Variants in HIPK1 observed in about 807,000 individuals in gnomAD.
HIPK1 encodes the protein homeodomain interacting protein kinase 1, also known as homeodomain-interacting protein kinase 1.
Under a neutral mutation model 117.1 loss-of-function variants are expected in HIPK1, and 28 were observed. That is an observed-to-expected ratio of 0.24 (90% CI 0.18 to 0.33). HIPK1 has a LOEUF of 0.33. HIPK1 is among the 10% of genes least tolerant of loss of function. The probability of loss-of-function intolerance (pLI) is 1.00; values close to 1 mark genes in which losing one functional copy is unlikely to be tolerated. For synonymous variants in HIPK1, 605 were observed against 562.5 expected (o/e 1.08, Z -1.07); for missense variants, 1,122 against 1,475.1 (o/e 0.76, Z 3.92).
At chr1:113,967,205 T>C (rs1571724333) in intron 11 of HIPK1, among the ~76,000 whole-genome samples, 1 of 152,200 alleles carries the variant, frequency 6.6e-6, no homozygotes, top group East Asian at 1.9e-4. Context: ...GGTATCTCTT[T>C]GATATACTGA....
Position 113,940,400 on chromosome 1 carries a change from A to G in HIPK1, c.17A>G (p.Gln6Arg), listed in dbSNP as rs35324789. MASQLQVFSPPSVSSS... is the reference protein window; with the variant it reads MASQLRVFSPPSVSSS... ...AATATAGGTATGGCATCACAGCTGC[A>G]AGTGTTTTCGCCCCCATCAGTGTCG... The change falls in exon 2 of 16, where the codon CAA becomes CGA. Residue 6 changes from glutamine (Q) to arginine (R), a missense_variant. By Grantham distance (43) the Gln-to-Arg change is conservative (BLOSUM62 1). This residue lies in a region of HIPK1 where 192 missense variants were observed against 234.0 expected (regional missense o/e 0.82). Transcript: ENST00000426820. The G allele has an allele frequency of 1.9e-6, 3 of 1,606,284 alleles. No individual in the cohort carries two copies. Among genetic ancestry groups the G allele is most frequent in the Admixed American group, 3.4e-5 (2 of 58,836 alleles).
At chr1:113,943,585 A>G (rs1670791109) in intron 2 of HIPK1, among the ~76,000 whole-genome samples, 1 of 152,170 alleles carries the variant, frequency 6.6e-6, no homozygotes, top group Non-Finnish European at 1.5e-5. Context: ...TAATGCTGCT[A>G]TGAACATTGG....
At position 113,969,971 on chromosome 1, in the gene HIPK1, A is replaced by G. The variant is rs767846718; in HGVS notation, c.2787A>G (p.Pro929=). Residue 929 remains proline (P), a synonymous_variant, in exon 14 of 16, where the codon CCA becomes CCG. Transcript: ENST00000426820. The part of the protein sequence containing the change: ...KYKPSSSGLK[P]RSNVISYVTV... ...TTTTCCTCAGCTCTGGACTGAAGCC[A>G]AGGTCTAATGTCATCAGTTATGTCA... The G allele has an allele frequency of 1.2e-6, 2 of 1,614,226 alleles. No homozygotes were observed. Among genetic ancestry groups the G allele is most frequent in the East Asian group, 4.5e-5 (2 of 44,888 alleles).
At chr1:113,945,950 A>ATTG (rs1358869415) in intron 2 of HIPK1, among the ~76,000 whole-genome samples, 1 of 152,200 alleles carries the variant, frequency 6.6e-6, no homozygotes, top group Non-Finnish European at 1.5e-5. Context: ...TTGACAGCTT[A>ATTG]ATAGTAAGTC....
chr1:113,942,533 A>G (rs1002667003), intron 2 of HIPK1, among the ~76,000 whole-genome samples: 1 of 152,210 alleles, frequency 6.6e-6, no homozygotes, highest in East Asian at 1.9e-4. Context: ...CTGTAGTAGC[A>G]TGAATTGAAT....
intron 6 of HIPK1, 116 bp from the exon 7 acceptor site, chr1:113,957,007 AT>A: frequency 1.1e-6 from 1 of 944,470 alleles, no homozygotes; most frequent in Non-Finnish European, 1.6e-6. Flanking sequence ...CAAATTCTTG[AT>A]TTATTTTATC....
In HIPK1 at chr1:113,940,416, A is replaced by G; in HGVS notation, c.33A>G (p.Pro11=). The G allele has an allele frequency of 6.2e-7, 1 of 1,612,414 alleles. No homozygotes were observed. Among genetic ancestry groups the G allele is most frequent in the Non-Finnish European group, 8.5e-7 (1 of 1,178,946 alleles). Residue 11 remains proline, a synonymous_variant, in exon 2 of 16, where the codon CCA becomes CCG. Coordinates refer to ENST00000426820, the MANE Select transcript of HIPK1 (RefSeq NM_198268.3). The stretch of plus-strand genomic sequence containing the variant: ...CACAGCTGCAAGTGTTTTCGCCCCC[A>G]TCAGTGTCGTCGAGTGCCTTCTGCA... MASQLQVFSP[P]SVSSSAFCSA...
intron 11 of HIPK1, among the ~76,000 whole-genome samples, chr1:113,966,836 C>CTT (rs78432266): frequency 1.7e-4 from 24 of 139,270 alleles, no homozygotes; most frequent in African/African-American, 4.7e-4. Flanking sequence ...AGTTCTTATT[C>CTT]TTTTTTTTTT....
At chr1:113,955,787 C>T (rs1671677442) in intron 5 of HIPK1, 138 bp downstream of exon 5, 2 of 535,528 alleles carry the variant, frequency 3.7e-6, no homozygotes, top group Admixed American at 3.5e-5. Flanking sequence ...TAATATTCCA[C>T]CATGTAGTAA....
rs926120144 is a variant in HIPK1 at position 113,941,707 on chromosome 1, A to T, written c.1076+248A>T. ...TTGTTACTAGTTGAATTATACTAGC[A>T]CCTGGTTCTTTAGTATTATTTTACC... On this transcript the variant is annotated intron_variant, in intron 2 of 15. Transcript: ENST00000426820. This position sits in a 1 kb window ranked among gnomAD's most constrained non-coding sequence, Gnocchi z 4.9. Among the ~76,000 whole-genome samples, 1 of 152,022 alleles carries T rather than the reference A, an allele frequency of 6.6e-6. No individual in the cohort carries two copies. The highest frequency in any genetic ancestry group is 1.5e-5 in the Non-Finnish European group (1 of 68,014).
chr1:113,936,126 C>G (rs1306091585), intron 1 of HIPK1, among the ~76,000 whole-genome samples: 1 of 152,102 alleles, frequency 6.6e-6, no homozygotes, highest in Non-Finnish European at 1.5e-5. Flanking sequence ...TTTCTTCTCA[C>G]CTTGTGTTAA....
At chr1:113,970,318 C>A in intron 14 of HIPK1, 121 bp downstream of exon 14, 2 of 983,634 alleles carry the variant, frequency 2.0e-6, no homozygotes, top group African/African-American at 1.6e-5. Flanking sequence ...CTTAAAGAGA[C>A]CTTAATTCAG....
At chr1:113,953,175 T>A (rs1415507055) in intron 3 of HIPK1, among the ~76,000 whole-genome samples, 1 of 152,216 alleles carries the variant, frequency 6.6e-6, no homozygotes, top group South Asian at 2.1e-4. Flanking sequence ...TTCATTAACT[T>A]ATGTGCTTTG....
At chr1:113,963,639 T>C in intron 10 of HIPK1, 118 bp downstream of exon 10, 1 of 1,246,334 alleles carries the variant, frequency 8.0e-7, no homozygotes, top group Non-Finnish European at 1.1e-6. Flanking sequence ...AAAAATTTTT[T>C]AGCTTAGTCT....
At chr1:113,963,306 T>G (rs1395475813) in intron 9 of HIPK1, 81 bp from the exon 10 acceptor site, 2 of 1,484,912 alleles carry the variant, frequency 1.3e-6, no homozygotes, top group African/African-American at 2.8e-5. Context: ...CAGTAATAAC[T>G]TGGGGGGAAT....
chr1:113,960,024 A>C (rs1225388690), intron 8 of HIPK1, among the ~76,000 whole-genome samples: 2 of 152,180 alleles, frequency 1.3e-5, no homozygotes, highest in African/African-American at 4.8e-5. Flanking sequence ...GGGAATTCAT[A>C]GCTTCTGTAT....
Position 113,929,341 on chromosome 1 carries a change from T to G in HIPK1, c.-194T>G. The G allele has an allele frequency of 7.8e-7, 1 of 1,289,432 alleles. No individual in the cohort carries two copies. Among genetic ancestry groups the G allele is most frequent in the Non-Finnish European group, 1.0e-6 (1 of 988,842 alleles). 79.9% of individuals were successfully genotyped at this position (1,289,432 alleles called of 1,614,324 possible). On this transcript the variant is annotated 5_prime_UTR_variant, in exon 1 of 16. Transcript: ENST00000426820. ...GCTGGGATGACATTTTACAGTTGGA[T>G]CCCGTACCACCGCCAGGCACCTTTA...
At chr1:113,945,002 C>A (rs555912673) in intron 2 of HIPK1, among the ~76,000 whole-genome samples, 2 of 152,150 alleles carry the variant, frequency 1.3e-5, no homozygotes, top group South Asian at 4.2e-4. Context: ...CATGCACCCC[C>A]ACACCTGACT....
intron 14 of HIPK1, among the ~76,000 whole-genome samples, chr1:113,970,892 C>T (rs971624109): frequency 1.3e-5 from 2 of 152,182 alleles, no homozygotes; most frequent in African/African-American, 4.8e-5. Context: ...CATGTCTTAA[C>T]CTCTTTAGGC....
Sources: gnomAD v4.1 joint callset for allele counts (sites outside exome capture counted in the v4.1 genomes callset) on GRCh38, gnomAD v4.1.1 for gene constraint, gnomAD v4.1.1 regional missense constraint, Gnocchi (gnomAD v3.1) non-coding constraint, MANE v1.5 for transcripts, NCBI Gene and HGNC (gene_info 2026-07-23, HGNC 2026-07-21) for gene names.